Variants in CDH18 observed in about 807,000 individuals in gnomAD.
The protein encoded by CDH18 is cadherin-18.
Under a neutral mutation model 67.9 loss-of-function variants are expected in CDH18, and 31 were observed. The ratio of observed to expected loss-of-function variants is 0.46; its 90% CI spans 0.34 to 0.62. CDH18 has a LOEUF of 0.62. Among genes scored for constraint, CDH18 ranks in the 20% least tolerant of loss-of-function variants. CDH18 has a pLI of 0.01. For synonymous variants in CDH18, 362 were observed against 347.2 expected, an observed-to-expected ratio of 1.04 and a Z score of -0.48; for missense variants, 890 against 975.5, an observed-to-expected ratio of 0.91 and a Z score of 1.17.
chr5:20,088,283 T>G (rs1298687994), intron 2 of CDH18, among the ~76,000 whole-genome samples: 1 of 152,142 alleles, frequency 6.6e-6, no homozygotes, highest in African/African-American at 2.4e-5. Context: ...GCACTTTCAG[T>G]GAATATTTGA....
chr5:19,792,517 T>C (rs1776465254), intron 3 of CDH18, among the ~76,000 whole-genome samples: 1 of 152,192 alleles, frequency 6.6e-6, no homozygotes, highest in South Asian at 2.1e-4. Context: ...TCCGTAATCA[T>C]GTGAGCAAAT....
chr5:20,239,654 A>G (rs1034674833), intron 2 of CDH18, among the ~76,000 whole-genome samples: 6 of 152,210 alleles, frequency 3.9e-5, no homozygotes, highest in African/African-American at 1.2e-4. Flanking sequence ...TTCAAATTGC[A>G]TCACATTTTG....
At chr5:20,562,882 T>C (rs1406119296) in intron 1 of CDH18, among the ~76,000 whole-genome samples, 1 of 151,942 alleles carries the variant, frequency 6.6e-6, no homozygotes, top group Non-Finnish European at 1.5e-5. Flanking sequence ...AGGATAATGT[T>C]AAAATGTATA....
chr5:19,523,562 TA>T (rs1218783614), intron 9 of CDH18, among the ~76,000 whole-genome samples: 1 of 151,178 alleles, frequency 6.6e-6, no homozygotes, highest in Non-Finnish European at 1.5e-5. Flanking sequence ...AAATAAAAAA[TA>T]AACATGAAAA....
intron 1 of CDH18, among the ~76,000 whole-genome samples, chr5:20,382,901 A>G (rs1439661506): frequency 6.6e-6 from 1 of 152,044 alleles, no homozygotes. Context: ...CCATGCTCCT[A>G]CAAGTCATTC....
intron 1 of CDH18, among the ~76,000 whole-genome samples, chr5:20,289,781 C>A (rs940493012): frequency 6.6e-6 from 1 of 151,912 alleles, no homozygotes; most frequent in Non-Finnish European, 1.5e-5. Flanking sequence ...AGATCAGATA[C>A]ACATTAAACT....
Position 19,472,026 on chromosome 5 carries a change from A to C in CDH18, c.*1200T>G, listed in dbSNP as rs1737692038. Among the ~76,000 whole-genome samples the C allele has an allele frequency of 6.6e-6, 1 of 152,154 alleles. No individual in the cohort carries two copies. The highest frequency in any genetic ancestry group is 2.4e-5 in the African/African-American group (1 of 41,450). Reference sequence around the variant, plus strand: ...GACCCTGAACACAGAGACTTTCGGAAACATATCTGAGGATAATAACTGTGA... The same window carrying C: ...GACCCTGAACACAGAGACTTTCGGACACATATCTGAGGATAATAACTGTGA... On this transcript the variant is annotated 3_prime_UTR_variant, in exon 13 of 13. Transcript: ENST00000382275.
chr5:19,992,605 G>A (rs1800044797), upstream of CDH18, among the ~76,000 whole-genome samples: 1 of 152,104 alleles, frequency 6.6e-6, no homozygotes, highest in Non-Finnish European at 1.5e-5. Flanking sequence ...TGTGGAAAGT[G>A]GAAAAGGTAT....
intron 5 of CDH18, among the ~76,000 whole-genome samples, chr5:19,666,465 A>G (rs1288741896): frequency 1.3e-5 from 2 of 151,856 alleles, no homozygotes; most frequent in African/African-American, 4.8e-5. Context: ...ATGATAAAAC[A>G]TCTCCTGATG....
At chr5:20,207,322 A>T (rs1385551881) in intron 2 of CDH18, among the ~76,000 whole-genome samples, 4 of 152,020 alleles carry the variant, frequency 2.6e-5, no homozygotes, top group Non-Finnish European at 5.9e-5. Flanking sequence ...ACACCAATGA[A>T]AGAAATTGAA....
At chr5:19,817,143 A>C (rs1033345450) in intron 3 of CDH18, among the ~76,000 whole-genome samples, 2 of 152,040 alleles carry the variant, frequency 1.3e-5, no homozygotes, top group South Asian at 4.1e-4. Flanking sequence ...TCATAATACA[A>C]GAAATATAAA....
intron 11 of CDH18, 119 bp from the exon 12 acceptor site, chr5:19,483,671 C>T: frequency 9.6e-7 from 1 of 1,040,444 alleles, no homozygotes; most frequent in South Asian, 1.8e-5. Context: ...ATGAAATGGA[C>T]AAGGGAACAC....
intron 3 of CDH18, among the ~76,000 whole-genome samples, chr5:19,759,134 T>A (rs1016356065): frequency 2.6e-5 from 4 of 152,232 alleles, no homozygotes; most frequent in Non-Finnish European, 5.9e-5. Flanking sequence ...TTTAATTTGC[T>A]CAAGCAATGA....
chr5:19,948,295 A>G (rs777818635), intron 2 of CDH18, among the ~76,000 whole-genome samples: 7 of 152,168 alleles, frequency 4.6e-5, no homozygotes, highest in Admixed American at 1.3e-4. Flanking sequence ...AATTTTTGTT[A>G]TTGTAGAAAT....
At position 19,969,844 on chromosome 5, in the gene CDH18, T is replaced by G. The variant is rs188663922; in HGVS notation, c.-257+11216A>C. Reference sequence around the variant, plus strand: ...ATGTACCCTAAAACTTAAAGTATAATAATAAAATAAAAAAAGAAGGTGTCC... The same window carrying G: ...ATGTACCCTAAAACTTAAAGTATAAGAATAAAATAAAAAAAGAAGGTGTCC... On this transcript the variant is annotated intron_variant, in intron 2 of 12. Transcript: ENST00000382275. Among the ~76,000 whole-genome samples the G allele has an allele frequency of 1.1e-4, 17 of 152,032 alleles. No individual in the cohort carries two copies. In the East Asian group the frequency reaches 3.3e-3, roughly 29 times the overall value.
At chr5:19,722,397 ACACAGTGCCAACATCG>A (rs1766225943) in intron 4 of CDH18, among the ~76,000 whole-genome samples, 1 of 151,632 alleles carries the variant, frequency 6.6e-6, no homozygotes, top group East Asian at 1.9e-4. Context: ...AGTGTCTTAT[ACACAGTGCCAACATCG>A]CACTGGATTT....
At chr5:19,730,768 T>TAAAAAAA (rs70950092) in intron 4 of CDH18, among the ~76,000 whole-genome samples, 1 of 147,014 alleles carries the variant, frequency 6.8e-6, no homozygotes, top group Non-Finnish European at 1.5e-5. Context: ...TATTAAATGG[T>TAAAAAAA]AAAAAAAAAA....
intron 3 of CDH18, among the ~76,000 whole-genome samples, chr5:19,837,415 A>T (rs2047407): frequency 0.037 from 5,400 of 146,292 alleles, 185 homozygotes; most frequent in African/African-American, 0.1. Context: ...TAATTTTTTT[A>T]AAAAAAAAAG....
At chr5:20,106,892 C>A (rs927632693) in intron 2 of CDH18, among the ~76,000 whole-genome samples, 1 of 152,110 alleles carries the variant, frequency 6.6e-6, no homozygotes. Context: ...TGACAAAAAT[C>A]ATTCATAAGC....
Sources: allele counts gnomAD v4.1 joint callset (sites outside exome capture counted in the v4.1 genomes callset), GRCh38; gene constraint gnomAD v4.1.1; transcripts MANE v1.5; gene names NCBI Gene and HGNC (gene_info 2026-07-23, HGNC 2026-07-21).